Variants in CSGALNACT1 observed in about 807,000 individuals in gnomAD.
The protein encoded by CSGALNACT1 is beta4GalNAcT-1.
A neutral mutation model predicts 51.0 loss-of-function variants in CSGALNACT1; 52 were observed. That is an observed-to-expected ratio of 1.02 (90% CI 0.82 to 1.29). The LOEUF is 1.29. CSGALNACT1 is among the 50% of genes most tolerant of loss of function. The probability of loss-of-function intolerance (pLI) is 0.00; values close to 1 mark genes in which losing one functional copy is unlikely to be tolerated. For synonymous variants in CSGALNACT1, 341 were observed against 254.4 expected (o/e 1.34, Z -3.24); for missense variants, 935 against 679.2 (o/e 1.38, Z -4.19).
chr8:19,484,898 G>T (rs1563666288), intron 4 of CSGALNACT1, among the ~76,000 whole-genome samples: 1 of 152,248 alleles, frequency 6.6e-6, no homozygotes, highest in East Asian at 1.9e-4. Flanking sequence ...CACAAAGGAA[G>T]AGTCATTTTT....
chr8:19,586,219 C>T (rs756007034), intron 3 of CSGALNACT1, among the ~76,000 whole-genome samples: 10 of 151,728 alleles, frequency 6.6e-5, no homozygotes, highest in South Asian at 2.1e-4. Context: ...AAAAATTATC[C>T]GGGCGTGGTG....
chr8:19,706,566 A>C (rs946812412), intron 1 of CSGALNACT1, among the ~76,000 whole-genome samples: 1 of 152,198 alleles, frequency 6.6e-6, no homozygotes, highest in Non-Finnish European at 1.5e-5. Flanking sequence ...TTTAGCCTCC[A>C]ACCACAAGGG....
At chr8:19,750,527 T>C (rs1327123389) in intron 1 of CSGALNACT1, among the ~76,000 whole-genome samples, 1 of 152,180 alleles carries the variant, frequency 6.6e-6, no homozygotes, top group African/African-American at 2.4e-5. Flanking sequence ...GCTCGGAACC[T>C]TACCTATACC....
In CSGALNACT1 at chr8:19,637,274, T is replaced by C. The variant is rs377677761; in HGVS notation, c.-543-35409A>G. On this transcript the variant is annotated intron_variant, in intron 1 of 9. Coordinates refer to the CSGALNACT1 transcript ENST00000332246. Reference sequence around the variant, plus strand: ...TTCAAGAGACTTTCCCTTTTCTAGTTGGTAGGGAATCAAACCACCCCCTTC... The same window carrying C: ...TTCAAGAGACTTTCCCTTTTCTAGTCGGTAGGGAATCAAACCACCCCCTTC... Among the ~76,000 whole-genome samples, 12 of 152,316 alleles carry C rather than the reference T, an allele frequency of 7.9e-5. No homozygotes were observed. In the East Asian group the frequency reaches 1.9e-3, roughly 24 times the overall value.
intron 2 of CSGALNACT1, among the ~76,000 whole-genome samples, chr8:19,598,732 G>A (rs564065068): frequency 1.1e-4 from 17 of 152,268 alleles, no homozygotes; most frequent in Non-Finnish European, 2.1e-4. Context: ...AAAGTTCTGC[G>A]CCCTGCTCAG....
At chr8:19,576,944 C>A (rs375137571) in intron 3 of CSGALNACT1, among the ~76,000 whole-genome samples, 1 of 152,148 alleles carries the variant, frequency 6.6e-6, no homozygotes, top group East Asian at 1.9e-4. Context: ...TAAGAAAACA[C>A]ACAGCTCGCT....
At chr8:19,430,295 C>T (rs549914492) in intron 6 of CSGALNACT1, among the ~76,000 whole-genome samples, 3 of 152,256 alleles carry the variant, frequency 2.0e-5, no homozygotes, top group East Asian at 3.9e-4. Context: ...AAGACTTACA[C>T]CTATGTTTTC....
intron 1 of CSGALNACT1, among the ~76,000 whole-genome samples, chr8:19,619,588 A>G (rs777624876): frequency 6.6e-6 from 1 of 152,182 alleles, no homozygotes; most frequent in Non-Finnish European, 1.5e-5. Flanking sequence ...GGCAGGTTCA[A>G]GAGACATTCT....
chr8:19,622,169 A>G (rs2053904342), intron 1 of CSGALNACT1, among the ~76,000 whole-genome samples: 1 of 152,262 alleles, frequency 6.6e-6, no homozygotes, highest in Non-Finnish European at 1.5e-5. Context: ...TCACATTTAC[A>G]AAACTTCTCA....
chr8:19,667,016 A>AAAGGAAGGAAGGAAGG (rs71205941), intron 1 of CSGALNACT1, among the ~76,000 whole-genome samples: 11 of 43,470 alleles, frequency 2.5e-4, no homozygotes, highest in Admixed American at 4.8e-4. Flanking sequence ...AGAAAGAAAG[A>AAAGGAAGGAAGGAAGG]AAGGAAGGAA....
chr8:19,674,258 G>A (rs568238361), intron 1 of CSGALNACT1, among the ~76,000 whole-genome samples: 32 of 152,174 alleles, frequency 2.1e-4, no homozygotes, highest in Admixed American at 8.5e-4. Context: ...GTGCCACTGC[G>A]CTCCAGCCTG....
intron 7 of CSGALNACT1, among the ~76,000 whole-genome samples, chr8:19,419,463 C>G (rs2057524865): frequency 6.6e-6 from 1 of 152,118 alleles, no homozygotes; most frequent in Non-Finnish European, 1.5e-5. Flanking sequence ...GGTGGTTGCT[C>G]TTTATCAATT....
intron 4 of CSGALNACT1, among the ~76,000 whole-genome samples, chr8:19,468,810 A>T (rs1586692691): frequency 1.3e-5 from 2 of 152,164 alleles, no homozygotes; most frequent in Non-Finnish European, 2.9e-5. Flanking sequence ...CCTTTTGTAG[A>T]CATACAGATT....
chr8:19,752,962 C>G (rs569631332), intron 1 of CSGALNACT1, among the ~76,000 whole-genome samples: 2 of 152,308 alleles, frequency 1.3e-5, no homozygotes, highest in East Asian at 3.9e-4. Flanking sequence ...TTTAAAGACT[C>G]ATTCATTTCC....
chr8:19,506,030 T>C (rs746656912), exon 4 of CSGALNACT1: 21 of 715,502 alleles, frequency 2.9e-5, no homozygotes, highest in Admixed American at 2.0e-5. Context: ...TTTTAAAGGA[T>C]GATCTTGCAG....
intron 5 of CSGALNACT1, among the ~76,000 whole-genome samples, chr8:19,450,174 GAGT>G (rs1490761681): frequency 4.8e-4 from 37 of 77,648 alleles, no homozygotes; most frequent in East Asian, 1.7e-3. Flanking sequence ...AGAAGGGGGA[GAGT>G]GAGGAAGAGG....
intron 4 of CSGALNACT1, among the ~76,000 whole-genome samples, chr8:19,482,040 C>G (rs1026147832): frequency 6.6e-6 from 1 of 152,118 alleles, no homozygotes; most frequent in East Asian, 1.9e-4. Context: ...CTCTTTCCAT[C>G]AAATCGCTCA....
intron 3 of CSGALNACT1, among the ~76,000 whole-genome samples, chr8:19,576,789 G>A (rs1308869815): frequency 6.6e-6 from 1 of 152,066 alleles, no homozygotes; most frequent in Non-Finnish European, 1.5e-5. Flanking sequence ...GCCCGCTTGT[G>A]AGTGGGGTCC....
chr8:19,720,329 T>C (rs1488318866), intron 1 of CSGALNACT1, among the ~76,000 whole-genome samples: 3 of 152,226 alleles, frequency 2.0e-5, no homozygotes, highest in Non-Finnish European at 2.9e-5. Flanking sequence ...GGTTCTCATG[T>C]ATCAGGGAGA....
Sources: allele counts gnomAD v4.1 joint callset (sites outside exome capture counted in the v4.1 genomes callset), GRCh38; gene constraint gnomAD v4.1.1; transcripts MANE v1.5; gene names NCBI Gene and HGNC (gene_info 2026-07-23, HGNC 2026-07-21).